Variants in ANKS1B observed in about 807,000 individuals in gnomAD.
ANKS1B encodes the protein ankyrin repeat and sterile alpha motif domain-containing protein 1B.
Under a neutral mutation model 148.3 loss-of-function variants are expected in ANKS1B, and 36 were observed. That is an observed-to-expected ratio of 0.24 (90% CI 0.19 to 0.32). The LOEUF (loss-of-function observed/expected upper bound fraction) is 0.32. ANKS1B is among the 10% of genes least tolerant of loss of function. The pLI is 1.00. For synonymous variants in ANKS1B, 542 were observed against 560.8 expected (o/e 0.97, Z 0.47); for missense variants, 1,157 against 1,542.6 (o/e 0.75, Z 4.19).
At chr12:99,875,348 T>G (rs913688416) in intron 1 of ANKS1B, among the ~76,000 whole-genome samples, 1 of 152,164 alleles carries the variant, frequency 6.6e-6, no homozygotes, top group South Asian at 2.1e-4. Context: ...GCTTGTAGAT[T>G]TGAATCATTT....
In ANKS1B at chr12:99,867,503, G is replaced by T. The variant is rs79970884; in HGVS notation, c.135-42114C>A. Reference sequence around the variant, plus strand: ...TCACAATCATGGTAGAGGGCGAAAGGCATGTTGTCTTACATGGCAGCAGGC... The same window carrying T: ...TCACAATCATGGTAGAGGGCGAAAGTCATGTTGTCTTACATGGCAGCAGGC... On this transcript the variant is annotated intron_variant, in intron 1 of 26. Coordinates refer to ENST00000683438, the MANE Select transcript of ANKS1B (RefSeq NM_001352186.2). Among the ~76,000 whole-genome samples, 216 of 152,280 alleles carry T rather than the reference G, an allele frequency of 1.4e-3. No individual in the cohort carries two copies. In the East Asian group the frequency reaches 0.023, roughly 16 times the overall value.
intron 16 of ANKS1B, among the ~76,000 whole-genome samples, chr12:99,065,413 A>C (rs2043793897): frequency 6.6e-6 from 1 of 152,194 alleles, no homozygotes; most frequent in Non-Finnish European, 1.5e-5. Flanking sequence ...TAATCCACAG[A>C]AGTACTTCAA....
At chr12:99,187,870 A>G (rs2080083386) in intron 14 of ANKS1B, among the ~76,000 whole-genome samples, 1 of 152,220 alleles carries the variant, frequency 6.6e-6, no homozygotes, top group Admixed American at 6.5e-5. Context: ...AATGGGCTAA[A>G]TGACCCAATT....
intron 1 of ANKS1B, among the ~76,000 whole-genome samples, chr12:99,947,405 T>C (rs148197998): frequency 3.3e-5 from 5 of 152,010 alleles, no homozygotes; most frequent in Admixed American, 2.0e-4. Flanking sequence ...GACAGAGGCA[T>C]GGGAGTTCAG....
chr12:99,085,825 G>T (rs2051534629), intron 15 of ANKS1B, among the ~76,000 whole-genome samples: 1 of 152,098 alleles, frequency 6.6e-6, no homozygotes, highest in Non-Finnish European at 1.5e-5. Context: ...AGAACACACG[G>T]ACGTAGAGGG....
Position 98,805,687 on chromosome 12 carries a change from A to G in ANKS1B, c.3141+2157T>C, listed in dbSNP as rs567743037. Among the ~76,000 whole-genome samples, 10 of 152,330 alleles carry G rather than the reference A, an allele frequency of 6.6e-5. No homozygotes were observed. The East Asian group carries it at 1.9e-3, about 29-fold the overall frequency. On this transcript the variant is annotated intron_variant, in intron 20 of 26. Coordinates refer to ENST00000683438, the MANE Select transcript of ANKS1B (RefSeq NM_001352186.2). ...CCAAATTGCAGCTTTTAAACTTTGCATTATTTCAACAGGTGGTAAATAGCT... is the reference window on the plus strand; with the variant it reads ...CCAAATTGCAGCTTTTAAACTTTGCGTTATTTCAACAGGTGGTAAATAGCT...
intron 17 of ANKS1B, among the ~76,000 whole-genome samples, chr12:98,946,387 G>A (rs1264332805): frequency 6.6e-6 from 1 of 152,134 alleles, no homozygotes; most frequent in Non-Finnish European, 1.5e-5. Flanking sequence ...GTTTGAGTTG[G>A]AGTTTTTTGT....
chr12:99,010,901 G>GTTTT (rs1309326368), intron 17 of ANKS1B, among the ~76,000 whole-genome samples: 2 of 51,306 alleles, frequency 3.9e-5, no homozygotes, highest in African/African-American at 9.3e-5. Context: ...GTGAGCTTTT[G>GTTTT]TTTTTTTTTT....
intron 10 of ANKS1B, among the ~76,000 whole-genome samples, chr12:99,473,714 A>G (rs926037479): frequency 6.6e-6 from 1 of 152,054 alleles, no homozygotes; most frequent in Non-Finnish European, 1.5e-5. Flanking sequence ...TGGTTATTCA[A>G]AATTCATTTT....
intron 8 of ANKS1B, among the ~76,000 whole-genome samples, chr12:99,716,317 C>G (rs1211303146): frequency 5.3e-5 from 8 of 151,962 alleles, no homozygotes; most frequent in Non-Finnish European, 2.9e-5. Flanking sequence ...CACCCCAACC[C>G]CTTATTTTGG....
At chr12:98,996,233 A>G (rs1240603363) in intron 17 of ANKS1B, among the ~76,000 whole-genome samples, 1 of 152,216 alleles carries the variant, frequency 6.6e-6, no homozygotes, top group East Asian at 1.9e-4. Context: ...AAAGGGAATA[A>G]ACATTCACGA....
intron 4 of ANKS1B, among the ~76,000 whole-genome samples, chr12:99,782,834 C>T (rs1420772789): frequency 6.6e-6 from 1 of 152,132 alleles, no homozygotes; most frequent in African/African-American, 2.4e-5. Context: ...ACAGATGCTC[C>T]TTGACTTCCA....
chr12:99,049,499 A>T (rs1021698217), intron 17 of ANKS1B, among the ~76,000 whole-genome samples: 4 of 152,210 alleles, frequency 2.6e-5, no homozygotes, highest in Non-Finnish European at 4.4e-5. Flanking sequence ...ATTTAAAGCA[A>T]ATAAAGTTAC....
At chr12:99,434,757 C>T (rs2095432306) in intron 11 of ANKS1B, among the ~76,000 whole-genome samples, 1 of 151,806 alleles carries the variant, frequency 6.6e-6, no homozygotes, top group East Asian at 1.9e-4. Context: ...ATTTTAGGTG[C>T]CAGGGGTACA....
At chr12:99,648,774 G>A (rs2098398519) in intron 9 of ANKS1B, 22 of 1,611,142 alleles carry the variant, frequency 1.4e-5, no homozygotes, top group Non-Finnish European at 1.9e-5. Flanking sequence ...TGGAGGAAGT[G>A]CAGAGGAGCC....
intron 1 of ANKS1B, among the ~76,000 whole-genome samples, chr12:99,913,432 C>T (rs2094068709): frequency 6.6e-6 from 1 of 152,098 alleles, no homozygotes; most frequent in Non-Finnish European, 1.5e-5. Context: ...ACCATTTGCA[C>T]CTCATGTAAG....
Position 99,655,077 on chromosome 12 carries a change from A to G in ANKS1B, c.1262T>C (p.Met421Thr). The change falls in exon 9 of 27, where the codon ATG becomes ACG. Residue 421 changes from methionine (M) to threonine (T), a missense_variant. Transcript: ENST00000683438. ...AAAGCAAACTTTTACCTGGGCAAGC[A>G]TGGGGAAGCCAAGGTTCCTACATCC... The part of the protein sequence containing the change: ...CNGCRNLGFP[M>T]LAQESYPKKR... 2 of 1,579,902 alleles carry G rather than the reference A, an allele frequency of 1.3e-6. No homozygotes were observed. Among genetic ancestry groups the G allele is most frequent in the East Asian group, 4.5e-5 (2 of 44,376 alleles).
At chr12:99,171,140 GAC>G (rs1226317277) in intron 14 of ANKS1B, among the ~76,000 whole-genome samples, 1 of 152,126 alleles carries the variant, frequency 6.6e-6, no homozygotes, top group African/African-American at 2.4e-5. Context: ...ATTTCTGTAG[GAC>G]AGAATAAGAA....
intron 15 of ANKS1B, among the ~76,000 whole-genome samples, chr12:99,133,352 C>T (rs937840232): frequency 6.6e-6 from 1 of 152,158 alleles, no homozygotes; most frequent in African/African-American, 2.4e-5. Flanking sequence ...CATGCCCAGC[C>T]AGCATCATGT....
Sources: gnomAD v4.1 joint callset for allele counts (sites outside exome capture counted in the v4.1 genomes callset) on GRCh38, gnomAD v4.1.1 for gene constraint, MANE v1.5 for transcripts, NCBI Gene and HGNC (gene_info 2026-07-23, HGNC 2026-07-21) for gene names.